CTNNA1: variants seen among roughly 807,000 people sequenced by gnomAD.
CTNNA1 encodes catenin alpha 1.
A neutral mutation model predicts 98.4 loss-of-function variants in CTNNA1; 37 were observed. That is an observed-to-expected ratio of 0.38 (90% CI 0.29 to 0.49). The LOEUF (loss-of-function observed/expected upper bound fraction) is 0.49. CTNNA1 is among the 20% of genes least tolerant of loss of function. CTNNA1 has a pLI of 0.95. For missense variants in CTNNA1, 761 were observed against 1,147.2 expected (o/e 0.66, Z 4.86); for synonymous variants, 404 against 413.2 (o/e 0.98, Z 0.27).
chr5:138,807,604 T>C (rs1253208921), intron 3 of CTNNA1, among the ~76,000 whole-genome samples: 1 of 152,022 alleles, frequency 6.6e-6, no homozygotes, highest in African/African-American at 2.4e-5. Context: ...AGGGATGTTA[T>C]GTTCAGCTTT....
At chr5:138,855,940 C>G (rs889217416) in intron 7 of CTNNA1, among the ~76,000 whole-genome samples, 1 of 152,128 alleles carries the variant, frequency 6.6e-6, no homozygotes, top group African/African-American at 2.4e-5. Context: ...TTGAAAGAAT[C>G]TTTCTAAAGA....
At chr5:138,775,506 C>T (rs1279656486) in intron 1 of CTNNA1, among the ~76,000 whole-genome samples, 1 of 152,148 alleles carries the variant, frequency 6.6e-6, no homozygotes, top group Non-Finnish European at 1.5e-5. Flanking sequence ...GCACCCCTAT[C>T]TCTAGTGATT....
At chr5:138,901,610 A>G (rs1758054249) in intron 9 of CTNNA1, among the ~76,000 whole-genome samples, 1 of 152,070 alleles carries the variant, frequency 6.6e-6, no homozygotes, top group African/African-American at 2.4e-5. Context: ...TTTTTAATGT[A>G]TAGAGATGGG....
chr5:138,927,136 T>C (rs1437759009), intron 13 of CTNNA1, among the ~76,000 whole-genome samples: 1 of 152,172 alleles, frequency 6.6e-6, no homozygotes, highest in Admixed American at 6.5e-5. Context: ...ACTCAGCTGG[T>C]TCCCTGTTCC....
intron 3 of CTNNA1, among the ~76,000 whole-genome samples, chr5:138,801,903 C>A (rs548256849): frequency 6.6e-6 from 1 of 152,286 alleles, no homozygotes; most frequent in African/African-American, 2.4e-5. Context: ...TCTAGCTATG[C>A]AGCTAGAACT....
intron 4 of CTNNA1, among the ~76,000 whole-genome samples, chr5:138,810,557 A>G (rs192628539): frequency 7.0e-4 from 106 of 152,208 alleles, no homozygotes; most frequent in Non-Finnish European, 1.4e-3. Flanking sequence ...TATTTTTTCC[A>G]TTTAACCCTG....
intron 1 of CTNNA1, among the ~76,000 whole-genome samples, chr5:138,773,136 A>G (rs1241589351): frequency 6.6e-6 from 1 of 152,240 alleles, no homozygotes; most frequent in South Asian, 2.1e-4. Flanking sequence ...GATTGGGATC[A>G]CTAAAAACAT....
At chr5:138,923,656 T>C (rs564860667) in intron 11 of CTNNA1, among the ~76,000 whole-genome samples, 13 of 152,270 alleles carry the variant, frequency 8.5e-5, no homozygotes, top group African/African-American at 2.9e-4. Flanking sequence ...TCTAGATCTG[T>C]ATCATCCACT....
chr5:138,924,799 G>A, intron 12 of CTNNA1, 89 bp downstream of exon 12: 1 of 1,190,960 alleles, frequency 8.4e-7, no homozygotes, highest in Non-Finnish European at 1.2e-6. Context: ...TGGTGAGGAA[G>A]GAGGAGTTGG....
Position 138,917,777 on chromosome 5 carries a change from A to G in CTNNA1, c.1425A>G (p.Pro475=), listed in dbSNP as rs763530420. ...CTGCACTGGCTTTAGCAGCAAAACC[A>G]CAGAGTAAACTGGCCCAAGAGAACA... ...INAALALAAK[P]QSKLAQENMD... The change falls in exon 11 of 18, where the codon CCA becomes CCG. Residue 475 remains proline (P), a synonymous_variant. Transcript: ENST00000302763. 3 of 1,614,186 alleles carry G rather than the reference A, an allele frequency of 1.9e-6. No individual in the cohort carries two copies. The highest frequency in any genetic ancestry group is 1.1e-5 in the South Asian group (1 of 91,078).
chr5:138,778,706 C>T (rs576954843), intron 1 of CTNNA1, among the ~76,000 whole-genome samples: 8 of 152,242 alleles, frequency 5.3e-5, no homozygotes, highest in Non-Finnish European at 1.5e-5. Flanking sequence ...ATACATTGTT[C>T]TTTCTACATT....
At chr5:138,895,562 G>A (rs1233962854) in intron 9 of CTNNA1, among the ~76,000 whole-genome samples, 3 of 151,948 alleles carry the variant, frequency 2.0e-5, no homozygotes, top group African/African-American at 4.8e-5. Flanking sequence ...CAAACTTCCT[G>A]TATTTGAGGG....
At position 138,873,580 on chromosome 5, in the gene CTNNA1, G is replaced by A; in HGVS notation, c.1063-12632G>A. The A allele has an allele frequency of 6.2e-7, 1 of 1,613,974 alleles. No homozygotes were observed. The highest frequency in any genetic ancestry group is 8.5e-7 in the Non-Finnish European group (1 of 1,179,894). Reference sequence around the variant, plus strand: ...AGTGTTCCCACCGACCTTGGAAACTGCCCAGCCAGGAGGCCAGAGCACATA... The same window carrying A: ...AGTGTTCCCACCGACCTTGGAAACTACCCAGCCAGGAGGCCAGAGCACATA... On this transcript the variant is annotated intron_variant, in intron 7 of 17. Transcript: ENST00000302763. This position sits in a 1 kb window ranked among gnomAD's most constrained non-coding sequence, Gnocchi z 6.1.
intron 7 of CTNNA1, among the ~76,000 whole-genome samples, chr5:138,858,768 T>C (rs1763981603): frequency 6.6e-6 from 1 of 151,772 alleles, no homozygotes; most frequent in African/African-American, 2.4e-5. Context: ...GCTAATTTTG[T>C]TTGTATTTTT....
At chr5:138,826,323 A>C (rs945297507) in intron 6 of CTNNA1, among the ~76,000 whole-genome samples, 2 of 152,254 alleles carry the variant, frequency 1.3e-5, no homozygotes, top group Non-Finnish European at 2.9e-5. Flanking sequence ...CAATAAGGAC[A>C]TAGTCTCTGT....
At chr5:138,928,472 G>A (rs2150318980) in intron 13 of CTNNA1, among the ~76,000 whole-genome samples, 1 of 152,232 alleles carries the variant, frequency 6.6e-6, no homozygotes, top group East Asian at 1.9e-4. Flanking sequence ...TACCCTAACA[G>A]AAGGCCCAGT....
At chr5:138,798,051 C>G (rs965302853) in intron 3 of CTNNA1, among the ~76,000 whole-genome samples, 1 of 152,088 alleles carries the variant, frequency 6.6e-6, no homozygotes, top group Non-Finnish European at 1.5e-5. Flanking sequence ...AAATTAAAAG[C>G]TAACATTTCC....
At chr5:138,793,511 A>G (rs1351500029) in intron 3 of CTNNA1, among the ~76,000 whole-genome samples, 1 of 152,240 alleles carries the variant, frequency 6.6e-6, no homozygotes, top group Non-Finnish European at 1.5e-5. Flanking sequence ...AATAAATAAC[A>G]CTAACCAGGA....
chr5:138,921,663 T>C (rs1762943713), intron 11 of CTNNA1, among the ~76,000 whole-genome samples: 1 of 139,946 alleles, frequency 7.1e-6, no homozygotes, highest in Admixed American at 7.6e-5. Flanking sequence ...TGCAGTGGCA[T>C]GATCTCGGCT....
Sources: gnomAD v4.1 joint callset for allele counts (sites outside exome capture counted in the v4.1 genomes callset) on GRCh38, gnomAD v4.1.1 for gene constraint, Gnocchi (gnomAD v3.1) non-coding constraint, MANE v1.5 for transcripts, NCBI Gene and HGNC (gene_info 2026-07-23, HGNC 2026-07-21) for gene names.